Variants in PRKAB1 observed in about 807,000 individuals in gnomAD.
PRKAB1 encodes the protein 5'-AMP-activated protein kinase subunit beta-1.
A neutral mutation model predicts 32.0 loss-of-function variants in PRKAB1; 18 were observed. That is an observed-to-expected ratio of 0.56 (90% confidence interval 0.39 to 0.83). The LOEUF is 0.83. PRKAB1 is among the 40% of genes least tolerant of loss of function. The probability of loss-of-function intolerance (pLI) is 0.00; values close to 1 mark genes in which losing one functional copy is unlikely to be tolerated. For synonymous variants in PRKAB1, 141 were observed against 141.4 expected (o/e 1.00, Z 0.02); for missense variants, 263 against 352.6 (o/e 0.75, Z 2.03).
chr12:119,677,699 C>CT (rs776273779), intron 5 of PRKAB1: 1 of 151,314 alleles, frequency 6.6e-6, no homozygotes, highest in Non-Finnish European at 1.5e-5. Context: ...TCCCTTAGCT[C>CT]TAACTTTACA....
In PRKAB1 at chr12:119,680,159, T is replaced by C. The variant is rs1233958608; in HGVS notation, c.736-89T>C. On this transcript the variant is annotated intron_variant, in intron 6 of 6. Transcript: ENST00000229328. ...GTTCTGAAGCTGGCCCGGGAATTTG[T>C]GGTTTTATGAAGCCCTTAATGATTC... 4.0e-6 allele frequency: 6 copies of C among 1,503,038 alleles called. No homozygotes were observed. In the Admixed American group the frequency reaches 7.2e-5, roughly 18 times the overall value. 93.1% of individuals were successfully genotyped at this position (1,503,038 alleles called of 1,614,324 possible).
intron 1 of PRKAB1, among the ~76,000 whole-genome samples, chr12:119,670,863 G>C (rs1193393448): frequency 6.6e-6 from 1 of 151,898 alleles, no homozygotes; most frequent in Non-Finnish European, 1.5e-5. Flanking sequence ...AGAATTCAAA[G>C]AATACAGGCA....
chr12:119,670,664 GCA>G (rs1007573406), intron 1 of PRKAB1, among the ~76,000 whole-genome samples: 4 of 152,174 alleles, frequency 2.6e-5, no homozygotes, highest in African/African-American at 9.7e-5. Flanking sequence ...GAAATGTTGA[GCA>G]CACACATCAT....
At position 119,668,138 on chromosome 12, in the gene PRKAB1, C is replaced by T. The variant is rs1473157697; in HGVS notation, c.-107C>T. ...GCGTGGTGTCCTGGTGCTCCGACTC[C>T]TTCCGCAGGCTCCTTGGGACCCGCG... is the stretch of plus-strand genomic sequence containing the variant. On this transcript the variant is annotated 5_prime_UTR_variant, in exon 1 of 7. Coordinates refer to ENST00000229328, the MANE Select transcript of PRKAB1 (RefSeq NM_006253.5). 1.5e-6 allele frequency: 2 copies of T among 1,316,472 alleles called. No homozygotes were observed. The highest frequency in any genetic ancestry group is 3.7e-5 in the Admixed American group (1 of 26,880). The allele number at this position is 1,316,472 out of a possible 1,614,324, so 81.5% of individuals were successfully genotyped here.
At chr12:119,668,078 G>A (rs906907609), upstream of PRKAB1, 3 of 843,360 alleles carry the variant, frequency 3.6e-6, no homozygotes, top group Non-Finnish European at 5.1e-6. Flanking sequence ...CGGCAACCCT[G>A]CCGACTCAGC....
intron 5 of PRKAB1, chr12:119,678,173 A>G (rs1318016522): frequency 6.6e-6 from 1 of 152,204 alleles, no homozygotes; most frequent in Non-Finnish European, 1.5e-5. Context: ...GGAATATGAG[A>G]ATGTCAGGAC....
chr12:119,676,605 C>A lies in PRKAB1; in HGVS notation c.601C>A (p.Arg201=). ...CGTCTGCAAACCCGAAGAGCGCTTT[C>A]GGGCACCCCCTATTCTCCCCCCACA... ...PYVCKPEERF[R]APPILPPHLL... The change falls in exon 5 of 7, where the codon CGG becomes AGG. Residue 201 remains arginine (R), a synonymous_variant. Coordinates refer to ENST00000229328, the MANE Select transcript of PRKAB1 (RefSeq NM_006253.5). 6.2e-7 allele frequency: 1 copy of A among 1,614,000 alleles called. No homozygotes were observed. The highest frequency in any genetic ancestry group is 1.1e-5 in the South Asian group (1 of 91,074).
rs1006108483 is a variant in PRKAB1, at chr12:119,674,455, G to A, written c.532+1G>A. On this transcript the variant is annotated splice_donor_variant, in intron 4 of 6. Coordinates refer to ENST00000229328, the MANE Select transcript of PRKAB1 (RefSeq NM_006253.5). LOFTEE classifies it high-confidence loss of function. The surrounding 1 kb of genome is among the most constrained non-coding windows in gnomAD (Gnocchi z 4.3). Reference sequence around the variant, plus strand: ...TCCCAAAAGTGCTCCGATGTGTCTGGTATGAACACAGTTATTTTATACCAC... The same window carrying A: ...TCCCAAAAGTGCTCCGATGTGTCTGATATGAACACAGTTATTTTATACCAC... 3 of 1,598,956 alleles carry A rather than the reference G, an allele frequency of 1.9e-6. No homozygotes were observed. Among genetic ancestry groups the A allele is most frequent in the Admixed American group, 1.7e-5 (1 of 59,970 alleles).
Position 119,672,370 on chromosome 12 carries a change from G to T in PRKAB1, c.229G>T (p.Ala77Ser). The change falls in exon 2 of 7, where the codon GCT (alanine) becomes TCT (serine). Residue 77 changes from alanine to serine, a missense_variant. Ala to Ser is a moderately conservative substitution (Grantham distance 99). Transcript: ENST00000229328. ...AGTGAATGATAAAGCTCCCGCCCAG[G>T]CTCGGCCAACGGTGTTTCGATGGAC... ...LEVNDKAPAQ[A>S]RPTVFRWTGG... is the part of the protein sequence containing the mutation. The T allele has an allele frequency of 6.2e-7, 1 of 1,613,044 alleles. No individual in the cohort carries two copies. The highest frequency in any genetic ancestry group is 1.1e-5 in the South Asian group (1 of 90,782).
chr12:119,674,055 G>A lies in PRKAB1; in HGVS notation c.415G>A (p.Glu139Lys), dbSNP rs368579544. 11 of 1,613,102 alleles carry A rather than the reference G, an allele frequency of 6.8e-6. No homozygotes were observed. The highest frequency in any genetic ancestry group is 2.2e-5 in the East Asian group (1 of 44,882). Reference protein sequence around the residue: ...VDGQWTHDPSEPIVTSQLGTV... With the variant: ...VDGQWTHDPSKPIVTSQLGTV... ...TGGTCAGTGGACGCACGACCCTTCC[G>A]AGGTACTCTTCCTCCCACCTCTGGT... The change falls in exon 3 of 7, where the codon GAG becomes AAG. Residue 139 changes from glutamate to lysine, a missense_variant and splice_region_variant. Transcript: ENST00000229328. This position sits in a 1 kb window ranked among gnomAD's most constrained non-coding sequence, Gnocchi z 4.3.
intron 1 of PRKAB1, among the ~76,000 whole-genome samples, chr12:119,669,126 A>AG (rs1441698296): frequency 6.7e-6 from 1 of 148,596 alleles, no homozygotes; most frequent in East Asian, 2.0e-4. Flanking sequence ...CAAAAAAAAA[A>AG]TATAAATAAA....
chr12:119,675,494 A>G (rs1414381742), intron 4 of PRKAB1, among the ~76,000 whole-genome samples: 2 of 152,206 alleles, frequency 1.3e-5, no homozygotes, highest in East Asian at 1.9e-4. Context: ...AGTGTGCCCA[A>G]ATATCCTCCA....
intron 1 of PRKAB1, among the ~76,000 whole-genome samples, chr12:119,671,883 T>C (rs1402369952): frequency 6.6e-6 from 1 of 152,208 alleles, no homozygotes; most frequent in African/African-American, 2.4e-5. Flanking sequence ...GGGACTACCA[T>C]ATACACAGTC....
In PRKAB1 at chr12:119,673,830, GCTAAAAATGTTTGTTCT is replaced by G. The variant is rs923522482; in HGVS notation, c.324-132_324-116del. On this transcript the variant is annotated intron_variant, in intron 2 of 6. Transcript: ENST00000229328. Reference sequence around the variant, plus strand: ...TCATTATGCTGAATTGTCTAAATGGGCTAAAAATGTTTGTTCTCCTGCAGCTGAACTCTTGGTTTTAT... The same window carrying G: ...TCATTATGCTGAATTGTCTAAATGGGCCTGCAGCTGAACTCTTGGTTTTAT... The G allele has an allele frequency of 7.4e-6, 5 of 674,256 alleles. No individual in the cohort carries two copies. The African/African-American group carries it at 9.1e-5, about 12-fold the overall frequency. The allele number at this position is 674,256 out of a possible 1,614,324, so 41.8% of individuals were successfully genotyped here. A position where few individuals can be genotyped will look rare whatever the true frequency, so the allele number is the denominator to read the frequency against.
chr12:119,674,872 TAGC>T lies in PRKAB1; in HGVS notation c.532+421_532+423del, dbSNP rs1056801669. On this transcript the variant is annotated intron_variant, in intron 4 of 6. Coordinates refer to ENST00000229328, the MANE Select transcript of PRKAB1 (RefSeq NM_006253.5). This position sits in a 1 kb window ranked among gnomAD's most constrained non-coding sequence, Gnocchi z 4.3. ...GTGTAAATGGACACCTCAGTGACCT[TAGC>T]AGTCACTTATGTGGTACATTAGCAC... is the stretch of plus-strand genomic sequence containing the variant. 2.6e-5 allele frequency among the ~76,000 whole-genome samples: 4 copies of T among 152,244 alleles called. No homozygotes were observed. Among genetic ancestry groups the T allele is most frequent in the African/African-American group, 9.6e-5 (4 of 41,468 alleles).
At chr12:119,672,113 C>G in intron 1 of PRKAB1, 188 bp from the exon 2 acceptor site, 1 of 518,330 alleles carries the variant, frequency 1.9e-6, no homozygotes, top group South Asian at 2.9e-5. Flanking sequence ...CATGGACTGT[C>G]TCAGTCTTCA....
chr12:119,680,095 G>C (rs1209044703), intron 6 of PRKAB1, 94 bp downstream of exon 6: 6 of 1,519,470 alleles, frequency 3.9e-6, no homozygotes, highest in Non-Finnish European at 4.6e-6. Flanking sequence ...CTGACTTAAA[G>C]GGCAGCTTCC....
intron 1 of PRKAB1, among the ~76,000 whole-genome samples, chr12:119,670,263 C>G (rs1244537186): frequency 6.6e-6 from 1 of 152,210 alleles, no homozygotes; most frequent in East Asian, 1.9e-4. Flanking sequence ...CTGCCCTCTG[C>G]CCAACATACC....
rs1265087934 is a variant in PRKAB1, at chr12:119,674,975, G to T, written c.532+521G>T. Among the ~76,000 whole-genome samples, 1 of 152,260 alleles carries T rather than the reference G, an allele frequency of 6.6e-6. No individual in the cohort carries two copies. The highest frequency in any genetic ancestry group is 1.9e-4 in the East Asian group (1 of 5,200). On this transcript the variant is annotated intron_variant, in intron 4 of 6. Transcript: ENST00000229328. This position sits in a 1 kb window ranked among gnomAD's most constrained non-coding sequence, Gnocchi z 4.3. ...TGCACAGCCCAACTCTCCTTGATGG[G>T]AAGCTATTTGGTACAGAAATACAGA...
Sources: gnomAD v4.1 joint callset for allele counts (sites outside exome capture counted in the v4.1 genomes callset) on GRCh38, gnomAD v4.1.1 for gene constraint, Gnocchi (gnomAD v3.1) non-coding constraint, MANE v1.5 for transcripts, NCBI Gene and HGNC (gene_info 2026-07-23, HGNC 2026-07-21) for gene names.